The following SNCAIP variants were observed in gnomAD, a reference collection of about 807,000 sequenced individuals.
SNCAIP encodes the protein synphilin-1.
In SNCAIP, 43 loss-of-function variants were observed where a neutral mutation model predicts 86.7. The observed-to-expected ratio is 0.50, with a 90% CI of 0.39 to 0.64. The LOEUF (loss-of-function observed/expected upper bound fraction) is 0.64. Ranked by LOEUF, SNCAIP falls within the 30% of genes least tolerant of loss-of-function variation. SNCAIP has a pLI of 0.00. For synonymous variants in SNCAIP, 417 were observed against 427.2 expected (o/e 0.98, Z 0.29); for missense variants, 981 against 1,103.1 (o/e 0.89, Z 1.57).
intron 1 of SNCAIP, among the ~76,000 whole-genome samples, chr5:122,330,400 C>T (rs373444172): frequency 2.0e-5 from 3 of 152,096 alleles, no homozygotes; most frequent in African/African-American, 7.2e-5. Context: ...GGATTACAGG[C>T]GTGAGCCACC....
At chr5:122,369,554 C>G (rs985110830) in intron 1 of SNCAIP, among the ~76,000 whole-genome samples, 1 of 152,176 alleles carries the variant, frequency 6.6e-6, no homozygotes, top group Admixed American at 6.5e-5. Flanking sequence ...TCCCTTAATT[C>G]TTTTTCTGTT....
intron 10 of SNCAIP, among the ~76,000 whole-genome samples, chr5:122,462,887 T>G (rs921850380): frequency 6.6e-6 from 1 of 152,214 alleles, no homozygotes; most frequent in African/African-American, 2.4e-5. Context: ...AAAATTTATT[T>G]GAAAAGCAAA....
Position 122,451,343 on chromosome 5 carries a change from G to C in SNCAIP, c.2496G>C (p.Leu832=). ...VVQMEQPSLE[L]NGEKDKDKGR... ...AGATGGAGCAGCCTAGCCTTGAACT[G>C]AATGGAGAAAAAGACAAAGATAAGG... Residue 832 remains leucine (L), a synonymous_variant, in exon 10 of 11, where the codon CTG becomes CTC. Transcript: ENST00000261368. 6.2e-7 allele frequency: 1 copy of C among 1,614,168 alleles called. No homozygotes were observed. The highest frequency in any genetic ancestry group is 1.1e-5 in the South Asian group (1 of 91,078).
At chr5:122,365,844 G>T (rs935898355) in intron 1 of SNCAIP, among the ~76,000 whole-genome samples, 8 of 152,210 alleles carry the variant, frequency 5.3e-5, no homozygotes, top group African/African-American at 1.7e-4. Context: ...GGATGCAGAT[G>T]CATGGACAGA....
intron 1 of SNCAIP, among the ~76,000 whole-genome samples, chr5:122,355,676 G>A (rs571838082): frequency 2.6e-5 from 4 of 152,228 alleles, no homozygotes; most frequent in Non-Finnish European, 2.9e-5. Context: ...ATCTCCCCTC[G>A]CATGTTCATT....
chr5:122,371,889 A>T (rs1048025935), intron 1 of SNCAIP: 2 of 152,198 alleles, frequency 1.3e-5, no homozygotes, highest in Non-Finnish European at 2.9e-5. Flanking sequence ...CAGCATTATT[A>T]TTAGGTTATT....
intron 3 of SNCAIP, among the ~76,000 whole-genome samples, chr5:122,411,916 T>G (rs1774217835): frequency 6.6e-6 from 1 of 152,170 alleles, no homozygotes; most frequent in African/African-American, 2.4e-5. Flanking sequence ...AATGCAAGTC[T>G]TATCATGCCA....
intron 1 of SNCAIP, among the ~76,000 whole-genome samples, chr5:122,359,184 A>G (rs1470514903): frequency 6.6e-6 from 1 of 152,070 alleles, no homozygotes; most frequent in Non-Finnish European, 1.5e-5. Context: ...TTTAAGACAG[A>G]TAAATCACTT....
rs759806835 is a variant in SNCAIP, at chr5:122,451,419, A to G, written c.2572A>G (p.Lys858Glu). The G allele has an allele frequency of 1.9e-6, 3 of 1,614,100 alleles. No individual in the cohort carries two copies. In the South Asian group the frequency reaches 3.3e-5, roughly 18 times the overall value. The change falls in exon 10 of 11, where the codon AAA becomes GAA. Residue 858 changes from lysine (K) to glutamate (E), a missense_variant. Transcript: ENST00000261368. ...AAGTAACGAATCGGGGGATCAACTGAAAAGGCCTTTTGGAGCCTTTCGATC... is the reference window on the plus strand; with the variant it reads ...AAGTAACGAATCGGGGGATCAACTGGAAAGGCCTTTTGGAGCCTTTCGATC... ...STSNESGDQL[K>E]RPFGAFRSIM...
intron 5 of SNCAIP, among the ~76,000 whole-genome samples, chr5:122,429,556 C>A (rs559188438): frequency 6.6e-6 from 1 of 151,618 alleles, no homozygotes; most frequent in East Asian, 1.9e-4. Context: ...TTGCTTAAAC[C>A]GTCTTGCCTA....
In SNCAIP at chr5:122,390,879, A is replaced by C. The variant is rs542888921; in HGVS notation, c.-46-210A>C. ...ATAAAGCAAAGGACTTTGAGTGCCC[A>C]CTGGGGAGCCACACTGGGGACCATG... On this transcript the variant is annotated intron_variant, in intron 1 of 10. Coordinates refer to ENST00000261368, the MANE Select transcript of SNCAIP (RefSeq NM_005460.4). 2.1e-3 allele frequency among the ~76,000 whole-genome samples: 315 copies of C among 152,306 alleles called. 3 individuals are homozygous for C. The highest frequency in any genetic ancestry group is 7.1e-3 in the African/African-American group (296 of 41,568).
intron 3 of SNCAIP, among the ~76,000 whole-genome samples, chr5:122,404,420 C>T (rs544608727): frequency 6.6e-6 from 1 of 152,100 alleles, no homozygotes; most frequent in Non-Finnish European, 1.5e-5. Context: ...AGCTGGTCGA[C>T]CTTTTCTCTT....
chr5:122,320,506 TG>T (rs1561503093), intron 1 of SNCAIP, among the ~76,000 whole-genome samples: 2 of 152,152 alleles, frequency 1.3e-5, no homozygotes, highest in African/African-American at 4.8e-5. Flanking sequence ...AAATAAAGCG[TG>T]GTAAGTGTTA....
At chr5:122,380,472 T>G (rs559925172) in intron 1 of SNCAIP, among the ~76,000 whole-genome samples, 2 of 150,754 alleles carry the variant, frequency 1.3e-5, no homozygotes, top group Non-Finnish European at 3.0e-5. Context: ...TCAATTTTGT[T>G]GATCCTTTCA....
chr5:122,428,473 A>G (rs1581188411), intron 5 of SNCAIP, among the ~76,000 whole-genome samples: 1 of 152,280 alleles, frequency 6.6e-6, no homozygotes, highest in East Asian at 1.9e-4. Flanking sequence ...CTAATAGAAC[A>G]CTACCCAACA....
chr5:122,437,512 T>A (rs886898946), intron 6 of SNCAIP, among the ~76,000 whole-genome samples: 1 of 152,192 alleles, frequency 6.6e-6, no homozygotes, highest in Non-Finnish European at 1.5e-5. Flanking sequence ...ACATGTCATA[T>A]CTCAGTGGAC....
chr5:122,433,558 A>T (rs1778832695), intron 6 of SNCAIP, among the ~76,000 whole-genome samples: 1 of 152,172 alleles, frequency 6.6e-6, no homozygotes, highest in African/African-American at 2.4e-5. Context: ...TACTCATTGA[A>T]GAGATTTTTA....
At chr5:122,388,875 A>G (rs1479097080) in intron 1 of SNCAIP, 1 of 152,236 alleles carries the variant, frequency 6.6e-6, no homozygotes, top group East Asian at 1.9e-4. Context: ...GTAGAGGCAA[A>G]TTCCAGATGC....
chr5:122,354,248 C>T (rs985206664), intron 1 of SNCAIP, among the ~76,000 whole-genome samples: 9 of 152,160 alleles, frequency 5.9e-5, no homozygotes, highest in African/African-American at 1.7e-4. Context: ...TGTTAAGGCA[C>T]AGACTGGACT....
Sources: gnomAD v4.1 joint callset for allele counts (sites outside exome capture counted in the v4.1 genomes callset) on GRCh38, gnomAD v4.1.1 for gene constraint, MANE v1.5 for transcripts, NCBI Gene and HGNC (gene_info 2026-07-23, HGNC 2026-07-21) for gene names.